Variants in CDC42BPA observed in about 807,000 individuals in gnomAD.
CDC42BPA encodes CDC42 binding protein kinase alpha.
A neutral mutation model predicts 223.5 loss-of-function variants in CDC42BPA; 80 were observed. The ratio of observed to expected loss-of-function variants is 0.36; its 90% CI spans 0.30 to 0.43. CDC42BPA has a LOEUF of 0.43. Among genes scored for constraint, CDC42BPA ranks in the 20% least tolerant of loss-of-function variants. The pLI is 1.00. For synonymous variants in CDC42BPA, 694 were observed against 718.6 expected (o/e 0.97, Z 0.55); for missense variants, 1,743 against 2,099.9 (o/e 0.83, Z 3.32).
At chr1:227,082,362 G>A (rs1004722403) in intron 16 of CDC42BPA, among the ~76,000 whole-genome samples, 2 of 151,976 alleles carry the variant, frequency 1.3e-5, no homozygotes, top group Admixed American at 1.3e-4. Flanking sequence ...CATCTTTTAA[G>A]TCTATTTTAT....
chr1:227,282,785 T>G (rs980128095), intron 1 of CDC42BPA, among the ~76,000 whole-genome samples: 2 of 151,856 alleles, frequency 1.3e-5, no homozygotes, highest in Non-Finnish European at 2.9e-5. Flanking sequence ...TACTTAAGAG[T>G]AGTCAAATTC....
chr1:227,157,504 G>T (rs1419141331), intron 6 of CDC42BPA, among the ~76,000 whole-genome samples: 3 of 152,134 alleles, frequency 2.0e-5, no homozygotes, highest in Non-Finnish European at 4.4e-5. Flanking sequence ...CCTTCTGGCT[G>T]CTTTTAAATG....
At chr1:227,108,632 T>C (rs1300351171) in intron 14 of CDC42BPA, among the ~76,000 whole-genome samples, 1 of 152,176 alleles carries the variant, frequency 6.6e-6, no homozygotes, top group Non-Finnish European at 1.5e-5. Flanking sequence ...AGGGCACTGA[T>C]TCCAGGACCC....
chr1:227,169,723 T>G (rs1665754614), intron 5 of CDC42BPA, among the ~76,000 whole-genome samples: 1 of 152,218 alleles, frequency 6.6e-6, no homozygotes, highest in South Asian at 2.1e-4. Context: ...TCATTTCATA[T>G]ACCTCCATCT....
chr1:227,081,114 C>A, intron 16 of CDC42BPA, 97 bp from the exon 17 acceptor site: 1 of 1,152,356 alleles, frequency 8.7e-7, no homozygotes, highest in Non-Finnish European at 1.3e-6. Flanking sequence ...CATCATCTAC[C>A]CAAAAATGCC....
intron 21 of CDC42BPA, chr1:227,059,311 A>T (rs1675290210): frequency 2.9e-6 from 4 of 1,390,704 alleles, no homozygotes; most frequent in Non-Finnish European, 4.0e-6. Context: ...AATCACAGGC[A>T]AAAGGATGAG....
intron 1 of CDC42BPA, among the ~76,000 whole-genome samples, chr1:227,294,254 T>A (rs113375587): frequency 0.31 from 46,529 of 151,116 alleles, 7,334 homozygotes; most frequent in East Asian, 0.37. Flanking sequence ...CCTGGGCGAC[T>A]GAGCTAGACT....
chr1:227,288,923 G>A (rs1414676022), intron 1 of CDC42BPA, among the ~76,000 whole-genome samples: 1 of 152,108 alleles, frequency 6.6e-6, no homozygotes, highest in East Asian at 1.9e-4. Context: ...GAACCCCAGA[G>A]GTGGAGGCTG....
intron 2 of CDC42BPA, among the ~76,000 whole-genome samples, chr1:227,230,641 G>A (rs1677676984): frequency 6.6e-6 from 1 of 151,856 alleles, no homozygotes; most frequent in Non-Finnish European, 1.5e-5. Context: ...GAATACAGAG[G>A]AATTCTACTG....
In CDC42BPA at chr1:227,294,580, G is replaced by GTATAAAAATA. The variant is rs1690288139; in HGVS notation, c.178+22424_178+22425insTATTTTTATA. Among the ~76,000 whole-genome samples, 51 of 73,474 alleles carry GTATAAAAATA rather than the reference G, an allele frequency of 6.9e-4. 7 individuals are homozygous for GTATAAAAATA. Among genetic ancestry groups the GTATAAAAATA allele is most frequent in the African/African-American group, 2.8e-3 (51 of 18,194 alleles). 48.2% of individuals were successfully genotyped at this position (73,474 alleles called of 152,430 possible). ...AACTGAAGCAAAAAGAGGTTAATTG[G>GTATAAAAATA]CCGGGCGCGGTGGCTCACGCCTGTA... On this transcript the variant is annotated intron_variant, in intron 1 of 36. Coordinates refer to ENST00000366766, the MANE Select transcript of CDC42BPA (RefSeq NM_001394014.1).
At position 227,208,979 on chromosome 1, in the gene CDC42BPA, T is replaced by A. The variant is rs539585903; in HGVS notation, c.354+4157A>T. ...CCATTTTCACGATATTGATTCTTCC[T>A]ACCCATGAGCATGGAATGTTCTTCC... On this transcript the variant is annotated intron_variant, in intron 3 of 36. Transcript: ENST00000366766. Among the ~76,000 whole-genome samples the A allele has an allele frequency of 7.2e-4, 109 of 152,182 alleles. No homozygotes were observed. The East Asian group carries it at 0.019, about 27-fold the overall frequency.
rs1666415235 is a variant in CDC42BPA, at chr1:227,017,039, G to A, written c.4627C>T (p.Leu1543=). 6.2e-7 allele frequency: 1 copy of A among 1,610,138 alleles called. No homozygotes were observed. Among genetic ancestry groups the A allele is most frequent in the Non-Finnish European group, 8.5e-7 (1 of 1,178,408 alleles). ...TTATCTGATGTTTCAGGTACTACCAGTTCGTCCCCTTCTGTTAAAATAAAA... is the reference window on the plus strand; with the variant it reads ...TTATCTGATGTTTCAGGTACTACCAATTCGTCCCCTTCTGTTAAAATAAAA... ...FKNKMAEGDE[L]VVPETSDNSR... Residue 1543 remains leucine (L), a synonymous_variant, in exon 33 of 37, where the codon CTG becomes TTG. Coordinates refer to ENST00000366766, the MANE Select transcript of CDC42BPA (RefSeq NM_001394014.1).
chr1:227,125,497 T>C (rs1325238416), intron 11 of CDC42BPA, among the ~76,000 whole-genome samples: 1 of 150,554 alleles, frequency 6.6e-6, no homozygotes, highest in Non-Finnish European at 1.5e-5. Context: ...CTCAGGAGGA[T>C]GAGGCACAAG....
chr1:227,230,335 C>G (rs895757160), intron 2 of CDC42BPA, among the ~76,000 whole-genome samples: 1 of 152,190 alleles, frequency 6.6e-6, no homozygotes, highest in Non-Finnish European at 1.5e-5. Flanking sequence ...GAATCAGAAG[C>G]TCCACATAAA....
chr1:227,056,057 C>T (rs980347789), intron 21 of CDC42BPA, among the ~76,000 whole-genome samples: 4 of 152,110 alleles, frequency 2.6e-5, no homozygotes, highest in Non-Finnish European at 4.4e-5. Context: ...GTCCCCCCGC[C>T]GCCCAGGATC....
intron 1 of CDC42BPA, among the ~76,000 whole-genome samples, chr1:227,267,076 G>A (rs1300803300): frequency 1.3e-5 from 2 of 152,078 alleles, no homozygotes; most frequent in Non-Finnish European, 2.9e-5. Flanking sequence ...TATAAGATTA[G>A]GAAAGAAAAG....
chr1:227,281,742 A>C (rs140298233), intron 1 of CDC42BPA, among the ~76,000 whole-genome samples: 25 of 152,324 alleles, frequency 1.6e-4, no homozygotes, highest in African/African-American at 6.0e-4. Context: ...ACAAAGCATG[A>C]GGCTGAGCAG....
intron 9 of CDC42BPA, among the ~76,000 whole-genome samples, chr1:227,141,775 G>A (rs1659721817): frequency 6.6e-6 from 1 of 152,176 alleles, no homozygotes; most frequent in South Asian, 2.1e-4. Context: ...CTGCACTCCA[G>A]CCTAGACAGC....
At chr1:227,205,484 A>G (rs2150288457) in intron 3 of CDC42BPA, among the ~76,000 whole-genome samples, 1 of 151,224 alleles carries the variant, frequency 6.6e-6, no homozygotes, top group East Asian at 1.9e-4. Context: ...TTGAGGATAA[A>G]TAAGAAACCC....
Sources: gnomAD v4.1 joint callset for allele counts (sites outside exome capture counted in the v4.1 genomes callset) on GRCh38, gnomAD v4.1.1 for gene constraint, MANE v1.5 for transcripts, NCBI Gene and HGNC (gene_info 2026-07-23, HGNC 2026-07-21) for gene names.